MGAT5: variants seen among roughly 807,000 people sequenced by gnomAD.
MGAT5 encodes alpha-1,6-mannosylglycoprotein 6-beta-N-acetylglucosaminyltransferase A.
A neutral mutation model predicts 94.3 loss-of-function variants in MGAT5; 30 were observed. That is an observed-to-expected ratio of 0.32 (90% CI 0.24 to 0.43). MGAT5 has a LOEUF of 0.43. Among genes scored for constraint, MGAT5 ranks in the 20% least tolerant of loss-of-function variants. MGAT5 has a pLI of 1.00. For missense variants in MGAT5, 691 were observed against 905.5 expected (o/e 0.76, Z 3.04); for synonymous variants, 310 against 322.9 (o/e 0.96, Z 0.43).
chr2:134,271,143 T>G (rs1437634201), intron 2 of MGAT5, among the ~76,000 whole-genome samples: 2 of 152,154 alleles, frequency 1.3e-5, no homozygotes, highest in Non-Finnish European at 2.9e-5. Flanking sequence ...GAATATTGGA[T>G]GAGACAAGGA....
intron 2 of MGAT5, among the ~76,000 whole-genome samples, chr2:134,297,143 G>A (rs762231303): frequency 6.9e-6 from 1 of 144,112 alleles, no homozygotes; most frequent in Non-Finnish European, 1.5e-5. Flanking sequence ...ATTGCAGTGA[G>A]CCTTGATTGT....
At chr2:134,416,805 A>G (rs1242881848) in intron 12 of MGAT5, among the ~76,000 whole-genome samples, 5 of 143,182 alleles carry the variant, frequency 3.5e-5, no homozygotes, top group African/African-American at 1.0e-4. Flanking sequence ...AGGTCTTACT[A>G]TGTTGCTTAG....
chr2:134,389,850 A>T (rs146957009), intron 10 of MGAT5, among the ~76,000 whole-genome samples: 1 of 152,210 alleles, frequency 6.6e-6, no homozygotes, highest in Non-Finnish European at 1.5e-5. Context: ...TGTATTGAAC[A>T]TGTTCACTTT....
chr2:134,267,021 G>A (rs1382017852), intron 1 of MGAT5, among the ~76,000 whole-genome samples: 1 of 152,232 alleles, frequency 6.6e-6, no homozygotes, highest in Non-Finnish European at 1.5e-5. Flanking sequence ...GCTGGTGGAT[G>A]TTTAGTGATA....
chr2:134,234,527 C>T (rs552148353), intron 1 of MGAT5, among the ~76,000 whole-genome samples: 7 of 152,342 alleles, frequency 4.6e-5, no homozygotes, highest in East Asian at 1.9e-4. Context: ...GGGTGACCAA[C>T]GGGGACAAGT....
Position 134,196,758 on chromosome 2 carries a change from G to A in MGAT5, c.-142-57504G>A, listed in dbSNP as rs34145054. 5.2e-3 allele frequency among the ~76,000 whole-genome samples: 795 copies of A among 152,266 alleles called. 6 individuals are homozygous for A. The highest frequency in any genetic ancestry group is 0.014 in the Middle Eastern group (4 of 294). On this transcript the variant is annotated intron_variant, in intron 1 of 16. Transcript: ENST00000409645. Reference sequence around the variant, plus strand: ...TCTTAAAAAATGGAATTTTTTTTTAGCTCATCAGGTTTCCTTACTGTTAGT... The same window carrying A: ...TCTTAAAAAATGGAATTTTTTTTTAACTCATCAGGTTTCCTTACTGTTAGT...
rs1686195658 is a variant in MGAT5 at position 134,453,279 on chromosome 2, T to C, written c.*4432T>C. 1 of 152,210 alleles carries C rather than the reference T, an allele frequency of 6.6e-6. No individual in the cohort carries two copies. The highest frequency in any genetic ancestry group is 2.4e-5 in the African/African-American group (1 of 41,450). 9.4% of individuals were successfully genotyped at this position (152,210 alleles called of 1,614,324 possible). ...GCTGGTTGGGATCTTACTGTATTCT[T>C]GAATGCACTGGTTTGAAAATATGCC... is the stretch of plus-strand genomic sequence containing the variant. On this transcript the variant is annotated 3_prime_UTR_variant, in exon 16 of 16. Transcript: ENST00000281923.
At chr2:134,306,498 T>C (rs910039300) in intron 2 of MGAT5, among the ~76,000 whole-genome samples, 2 of 152,178 alleles carry the variant, frequency 1.3e-5, no homozygotes, top group Non-Finnish European at 2.9e-5. Flanking sequence ...GCACAGAGAA[T>C]ATACAATAGG....
chr2:134,387,325 TATATATA>T lies in MGAT5; in HGVS notation c.1381-15662_1381-15656del, dbSNP rs1284203277. ...TGATATATATATATATATATATATATATATATATTTTTTTTTTTTTTTTTTTTTACCA... is the reference window on the plus strand; with the variant it reads ...TGATATATATATATATATATATATATTTTTTTTTTTTTTTTTTTTTTACCA... On this transcript the variant is annotated intron_variant, in intron 10 of 15. Transcript: ENST00000281923. Among the ~76,000 whole-genome samples, 271 of 44,806 alleles carry T rather than the reference TATATATA, an allele frequency of 6.0e-3. 1 individual carries two copies. The highest frequency in any genetic ancestry group is 0.014 in the East Asian group (11 of 814). The allele number at this position is 44,806 out of a possible 152,430, so 29.4% of individuals were successfully genotyped here.
At chr2:134,330,140 T>C (rs1324643761) in intron 4 of MGAT5, among the ~76,000 whole-genome samples, 1 of 152,186 alleles carries the variant, frequency 6.6e-6, no homozygotes, top group Non-Finnish European at 1.5e-5. Context: ...TGATTTGATA[T>C]ATGACCAACT....
Position 134,317,585 on chromosome 2 carries a change from C to T in MGAT5, c.463C>T (p.His155Tyr). The T allele has an allele frequency of 6.4e-7, 1 of 1,569,932 alleles. No homozygotes were observed. Among genetic ancestry groups the T allele is most frequent in the South Asian group, 1.2e-5 (1 of 84,144 alleles). ...ATTGCCTCCTATGGACGGCTACCCT[C>T]ACTGTGAGGGAAAGATCAAGGTAAG... ...CVLPPMDGYP[H>Y]CEGKIKWMKD... Residue 155 changes from histidine (H) to tyrosine (Y), a missense_variant, in exon 3 of 16, where the codon CAC becomes TAC. By Grantham distance (83) the His-to-Tyr change is moderately conservative (BLOSUM62 2). Around this residue, in one of 4 missense-constraint regions of MGAT5, gnomAD observed 307 missense variants for 335.4 expected, o/e 0.92. Coordinates refer to ENST00000281923, the MANE Select transcript of MGAT5 (RefSeq NM_002410.5).
At position 134,317,579 on chromosome 2, in the gene MGAT5, T is replaced by C; in HGVS notation, c.457T>C (p.Tyr153His). ...EKCVLPPMDG[Y>H]PHCEGKIKWM... is the part of the protein sequence containing the mutation. ...ATGTGTATTGCCTCCTATGGACGGC[T>C]ACCCTCACTGTGAGGGAAAGATCAA... Residue 153 changes from tyrosine (Y) to histidine (H), a missense_variant, in exon 3 of 16, where the codon TAC becomes CAC. Transcript: ENST00000281923. 6.4e-7 allele frequency: 1 copy of C among 1,572,192 alleles called. No individual in the cohort carries two copies. The highest frequency in any genetic ancestry group is 8.6e-7 in the Non-Finnish European group (1 of 1,161,056).
intron 12 of MGAT5, among the ~76,000 whole-genome samples, chr2:134,415,522 C>G (rs1467964870): frequency 6.6e-6 from 1 of 152,204 alleles, no homozygotes; most frequent in Middle Eastern, 3.4e-3. Flanking sequence ...GGGAATTAAC[C>G]GCTTATTAAA....
chr2:134,125,168 C>T (rs1007808368), intron 1 of MGAT5, among the ~76,000 whole-genome samples: 3 of 152,078 alleles, frequency 2.0e-5, no homozygotes, highest in Admixed American at 6.5e-5. Flanking sequence ...CCACCTTCTC[C>T]GATTGGCATT....
At chr2:134,413,214 A>G (rs1215173057) in intron 12 of MGAT5, among the ~76,000 whole-genome samples, 199 bp downstream of exon 12, 5 of 152,156 alleles carry the variant, frequency 3.3e-5, no homozygotes, top group African/African-American at 9.7e-5. Context: ...TTCACCAAGT[A>G]AGGGATCTTG....
At chr2:134,419,439 GGTTTGT>G (rs1478672876) in intron 12 of MGAT5, among the ~76,000 whole-genome samples, 1 of 68,034 alleles carries the variant, frequency 1.5e-5, no homozygotes, top group Admixed American at 1.8e-4. Context: ...CTGGCTTCAG[GGTTTGT>G]GTGTGTGTGT....
intron 11 of MGAT5, among the ~76,000 whole-genome samples, chr2:134,408,584 C>T (rs571444968): frequency 3.9e-5 from 6 of 152,270 alleles, no homozygotes; most frequent in African/African-American, 1.2e-4. Flanking sequence ...TCTTGGCCTC[C>T]GTGGACCTTC....
intron 1 of MGAT5, among the ~76,000 whole-genome samples, chr2:134,237,195 G>T (rs1681695016): frequency 6.6e-6 from 1 of 150,810 alleles, no homozygotes; most frequent in Non-Finnish European, 1.5e-5. Context: ...CTTGGCTGCT[G>T]AGCCCTAAAA....
At chr2:134,139,399 A>C (rs1686563781) in intron 1 of MGAT5, among the ~76,000 whole-genome samples, 1 of 150,760 alleles carries the variant, frequency 6.6e-6, no homozygotes, top group Non-Finnish European at 1.5e-5. Context: ...CGTGGCTGCT[A>C]TCAATGAGGC....
Sources: allele counts gnomAD v4.1 joint callset (sites outside exome capture counted in the v4.1 genomes callset), GRCh38; gene constraint gnomAD v4.1.1; regional missense constraint gnomAD v4.1.1; transcripts MANE v1.5; gene names NCBI Gene and HGNC (gene_info 2026-07-23, HGNC 2026-07-21).